Variants in RASA3 observed in about 807,000 individuals in gnomAD.
RASA3 encodes ras GTPase-activating protein 3.
Under a neutral mutation model 110.0 loss-of-function variants are expected in RASA3, and 73 were observed. The observed-to-expected ratio is 0.66, with a 90% CI of 0.55 to 0.81. The LOEUF (loss-of-function observed/expected upper bound fraction) is 0.81, where lower values mean the gene tolerates loss of function less well. Ranked by LOEUF, RASA3 falls within the 30% of genes least tolerant of loss-of-function variation. The pLI is 0.00. For missense variants in RASA3, 976 were observed against 1,113.2 expected (o/e 0.88, Z 1.75); for synonymous variants, 500 against 451.4 (o/e 1.11, Z -1.37).
At chr13:114,045,029 G>T (rs1224919336) in intron 3 of RASA3, among the ~76,000 whole-genome samples, 1 of 152,148 alleles carries the variant, frequency 6.6e-6, no homozygotes, top group Non-Finnish European at 1.5e-5. Context: ...CCTTCGAGAA[G>T]GGATCCCTGC....
chr13:114,056,346 C>G lies in RASA3; in HGVS notation c.174-4191G>C. ...TGAGGATGCCAGCGCTAAGCACACC[C>G]CACAAACGGGCGCCGCGCACCTGGC... On this transcript the variant is annotated intron_variant, in intron 2 of 23. Coordinates refer to ENST00000334062, the MANE Select transcript of RASA3 (RefSeq NM_007368.4). This position sits in a 1 kb window ranked among gnomAD's most constrained non-coding sequence, Gnocchi z 5.7. The G allele has an allele frequency of 1.4e-6, 1 of 719,978 alleles. No individual in the cohort carries two copies. The highest frequency in any genetic ancestry group is 1.7e-6 in the Non-Finnish European group (1 of 587,480). 44.6% of individuals were successfully genotyped at this position (719,978 alleles called of 1,614,324 possible).
rs76712699 is a variant in RASA3 at position 114,027,646 on chromosome 13, C to T, written c.531-185G>A. 6.6e-3 allele frequency among the ~76,000 whole-genome samples: 1,012 copies of T among 152,290 alleles called. 28 individuals are homozygous for T. Among genetic ancestry groups the T allele is most frequent in the East Asian group, 0.057 (298 of 5,184 alleles). On this transcript the variant is annotated intron_variant, in intron 6 of 23. Coordinates refer to ENST00000334062, the MANE Select transcript of RASA3 (RefSeq NM_007368.4). ...GAACCTTTACTCAGCCAAAAATACCCAGCGTGAAGAGCATGAAGGCTTCAT... is the reference window on the plus strand; with the variant it reads ...GAACCTTTACTCAGCCAAAAATACCTAGCGTGAAGAGCATGAAGGCTTCAT...
rs1056686173 is a variant in RASA3, at chr13:114,048,382, C to G, written c.277+3670G>C. 1.3e-5 allele frequency among the ~76,000 whole-genome samples: 2 copies of G among 151,734 alleles called. No homozygotes were observed. The highest frequency in any genetic ancestry group is 2.9e-5 in the Non-Finnish European group (2 of 67,932). On this transcript the variant is annotated intron_variant, in intron 3 of 23. Coordinates refer to ENST00000334062, the MANE Select transcript of RASA3 (RefSeq NM_007368.4). The surrounding 1 kb of genome is among the most constrained non-coding windows in gnomAD (Gnocchi z 4.3). ...GCACCCCCACCCCATTGGGAAGCCT[C>G]AGAGAGTCTCTAGGGGCTGGAGGGG...
At chr13:114,020,420 A>G (rs9525205) in intron 9 of RASA3, among the ~76,000 whole-genome samples, 24,932 of 152,240 alleles carry the variant, frequency 0.16, 2,281 homozygotes, top group Middle Eastern at 0.21. Context: ...CATTCAGCAT[A>G]GGAGGAAGCC....
At chr13:114,069,447 CGGGAGA>C (rs2079516650) in intron 2 of RASA3, among the ~76,000 whole-genome samples, 1 of 78,710 alleles carries the variant, frequency 1.3e-5, no homozygotes, top group Non-Finnish European at 2.3e-5. Flanking sequence ...ACTCAGGGAC[CGGGAGA>C]CTTGGGGGGC....
At chr13:114,004,121 T>C (rs1340404018) in intron 18 of RASA3, among the ~76,000 whole-genome samples, 1 of 152,202 alleles carries the variant, frequency 6.6e-6, no homozygotes, top group Non-Finnish European at 1.5e-5. Flanking sequence ...AAAATAGCAA[T>C]GTAAGTAATG....
chr13:114,117,995 CCGTGTGCA>C (rs200289764), intron 1 of RASA3, among the ~76,000 whole-genome samples: 1,789 of 152,032 alleles, frequency 0.012, 30 homozygotes, highest in African/African-American at 0.039. Context: ...GTGGATGTTG[CCGTGTGCA>C]CGTGTGCACA....
At chr13:114,126,835 G>C (rs557216933) in intron 1 of RASA3, among the ~76,000 whole-genome samples, 1 of 152,068 alleles carries the variant, frequency 6.6e-6, no homozygotes, top group East Asian at 1.9e-4. Context: ...CCAAGGCAGA[G>C]AGAGGTTAGG....
chr13:114,100,532 C>T (rs552407194), intron 1 of RASA3, among the ~76,000 whole-genome samples: 13 of 152,350 alleles, frequency 8.5e-5, no homozygotes, highest in Admixed American at 7.2e-4. Context: ...CTGCGCTGCG[C>T]CCCACGGCTG....
At chr13:114,108,421 G>A (rs533067819) in intron 1 of RASA3, among the ~76,000 whole-genome samples, 11 of 25,822 alleles carry the variant, frequency 4.3e-4, no homozygotes, top group Admixed American at 2.0e-3. Flanking sequence ...ATCACCCCGC[G>A]TCCATCATCC....
intron 1 of RASA3, among the ~76,000 whole-genome samples, chr13:114,121,384 C>T (rs2080374613): frequency 6.6e-6 from 1 of 152,174 alleles, no homozygotes; most frequent in African/African-American, 2.4e-5. Context: ...AAACTGCATG[C>T]AGCCTACTCA....
chr13:113,999,154 G>A (rs2053325224), intron 20 of RASA3, among the ~76,000 whole-genome samples: 1 of 145,748 alleles, frequency 6.9e-6, no homozygotes, highest in African/African-American at 2.6e-5. Context: ...ACGGGTCTGG[G>A]TCAAGGGTGT....
intron 7 of RASA3, 75 bp from the exon 8 acceptor site, chr13:114,024,430 G>T: frequency 7.3e-7 from 1 of 1,363,196 alleles, no homozygotes; most frequent in Non-Finnish European, 1.0e-6. Flanking sequence ...CTAGGCCCCG[G>T]GCTGCCCTAC....
intron 1 of RASA3, among the ~76,000 whole-genome samples, chr13:114,117,651 G>C (rs1390507645): frequency 1.5e-5 from 2 of 133,668 alleles, no homozygotes; most frequent in Non-Finnish European, 3.2e-5. Flanking sequence ...GTGTGTGAGG[G>C]GTGCACGTGT....
At chr13:114,117,220 G>C (rs1365048687) in intron 1 of RASA3, among the ~76,000 whole-genome samples, 8 of 90,250 alleles carry the variant, frequency 8.9e-5, no homozygotes, top group African/African-American at 3.6e-5. Flanking sequence ...GTGCACGTGT[G>C]TGAGGGGTGC....
At chr13:114,024,251 T>C (rs201756840) in intron 8 of RASA3, 28 bp downstream of exon 8, 5 of 1,607,948 alleles carry the variant, frequency 3.1e-6, no homozygotes, top group East Asian at 2.2e-5. Context: ...AACTGCCAAG[T>C]TGGGGACGCG....
At chr13:114,123,415 C>T (rs1470604155) in intron 1 of RASA3, among the ~76,000 whole-genome samples, 2 of 152,218 alleles carry the variant, frequency 1.3e-5, no homozygotes, top group African/African-American at 4.8e-5. Context: ...CGCAAGGGCC[C>T]TCAGGTACTC....
chr13:114,080,389 G>A (rs1180411592), intron 1 of RASA3, among the ~76,000 whole-genome samples: 1 of 152,146 alleles, frequency 6.6e-6, no homozygotes, highest in East Asian at 1.9e-4. Flanking sequence ...ACCTGCCCAG[G>A]GAGGGCCCAG....
intron 1 of RASA3, among the ~76,000 whole-genome samples, chr13:114,093,562 C>T (rs7332321): frequency 0.09 from 13,629 of 152,064 alleles, 689 homozygotes; most frequent in Middle Eastern, 0.15. Context: ...TGATTGGTGA[C>T]CTTTGACCTT....
Sources: gnomAD v4.1 joint callset for allele counts (sites outside exome capture counted in the v4.1 genomes callset) on GRCh38, gnomAD v4.1.1 for gene constraint, Gnocchi (gnomAD v3.1) non-coding constraint, MANE v1.5 for transcripts, NCBI Gene and HGNC (gene_info 2026-07-23, HGNC 2026-07-21) for gene names.